ARID1A: variants seen among roughly 807,000 people sequenced by gnomAD.
ARID1A encodes the protein AT-rich interactive domain-containing protein 1A.
A neutral mutation model predicts 212.6 loss-of-function variants in ARID1A; 20 were observed. The ratio of observed to expected loss-of-function variants is 0.09; its 90% CI spans 0.07 to 0.14. The LOEUF is 0.14. ARID1A is among the 10% of genes least tolerant of loss of function. The pLI is 1.00. For missense variants in ARID1A, 2,587 were observed against 3,059.0 expected (o/e 0.85, Z 3.64); for synonymous variants, 1,376 against 1,222.1 (o/e 1.13, Z -2.63).
intron 4 of ARID1A, among the ~76,000 whole-genome samples, chr1:26,751,558 A>G (rs1329553274): frequency 2.6e-5 from 4 of 152,144 alleles, no homozygotes; most frequent in Non-Finnish European, 5.9e-5. Context: ...GTCACTTCTG[A>G]ACCTGCTTCT....
At chr1:26,775,778 A>G (rs768364651) in intron 19 of ARID1A, 71 bp downstream of exon 19, 1 of 1,595,152 alleles carries the variant, frequency 6.3e-7, no homozygotes, top group Non-Finnish European at 8.6e-7. Context: ...GGAATGTCTC[A>G]TCTTTAGCCA....
chr1:26,747,353 A>G (rs2080848421), intron 4 of ARID1A, among the ~76,000 whole-genome samples: 1 of 152,202 alleles, frequency 6.6e-6, no homozygotes, highest in South Asian at 2.1e-4. Flanking sequence ...ACCTTTCCCA[A>G]AGAAGCTAAG....
chr1:26,697,153 G>A lies in ARID1A; in HGVS notation c.750G>A (p.Lys250=), dbSNP rs1553146100. 2 of 1,442,452 alleles carry A rather than the reference G, an allele frequency of 1.4e-6. No individual in the cohort carries two copies. The highest frequency in any genetic ancestry group is 1.5e-5 in the African/African-American group (1 of 66,860). 89.4% of individuals were successfully genotyped at this position (1,442,452 alleles called of 1,614,324 possible). A position where few individuals can be genotyped will look rare whatever the true frequency, so the allele number is the denominator to read the frequency against. The change falls in exon 1 of 20, where the codon AAG becomes AAA. Residue 250 remains lysine, a synonymous_variant. Transcript: ENST00000324856. The part of the protein sequence containing the change: ...GSGAAAAAGS[K]PPPSSSASAS... ...GCGCGGCGGCGGCTGCCGGCTCCAAGCCGCCTCCCTCCTCCAGCGCCTCCG... is the reference window on the plus strand; with the variant it reads ...GCGCGGCGGCGGCTGCCGGCTCCAAACCGCCTCCCTCCTCCAGCGCCTCCG...
At position 26,731,169 on chromosome 1, in the gene ARID1A, A is replaced by G. The variant is rs541916863; in HGVS notation, c.1368A>G (p.Gln456=). 7.4e-6 allele frequency: 12 copies of G among 1,613,966 alleles called. No individual in the cohort carries two copies. The highest frequency in any genetic ancestry group is 1.3e-5 in the African/African-American group (1 of 74,998). Reference sequence around the variant, plus strand: ...TCCTACAGATTCCTCCTTATGGACAACAAGGCCCCAGCGGGTATGGTCAAC... The same window carrying G: ...TCCTACAGATTCCTCCTTATGGACAGCAAGGCCCCAGCGGGTATGGTCAAC... The part of the protein sequence containing the change: ...SYTQQIPPYG[Q]QGPSGYGQQG... Residue 456 remains glutamine, a synonymous_variant, in exon 3 of 20, where the codon CAA becomes CAG. Transcript: ENST00000324856.
At chr1:26,762,091 T>C in intron 6 of ARID1A, 61 bp from the exon 7 acceptor site, 2 of 1,485,886 alleles carry the variant, frequency 1.3e-6, no homozygotes, top group South Asian at 2.7e-5. Flanking sequence ...AGGATAAGGA[T>C]GGAGAGCATT....
intron 3 of ARID1A, among the ~76,000 whole-genome samples, 196 bp from the exon 4 acceptor site, chr1:26,732,480 A>C (rs796176566): frequency 6.6e-6 from 1 of 152,212 alleles, no homozygotes; most frequent in Non-Finnish European, 1.5e-5. Context: ...ATGGGTGACA[A>C]TTCTGTCAGA....
At chr1:26,772,681 G>T (rs775246305) in intron 13 of ARID1A, 49 bp downstream of exon 13, 1 of 1,613,656 alleles carries the variant, frequency 6.2e-7, no homozygotes, top group South Asian at 1.1e-5. Context: ...CTGAAGATAA[G>T]TGCATGGGAA....
At chr1:26,697,685 T>G in intron 1 of ARID1A, 145 bp downstream of exon 1, 1 of 848,456 alleles carries the variant, frequency 1.2e-6, no homozygotes, top group Non-Finnish European at 1.6e-6. Context: ...TCTTCTCTCT[T>G]AAAATGGCTG....
At chr1:26,702,032 A>T (rs1214439468) in intron 1 of ARID1A, among the ~76,000 whole-genome samples, 1 of 152,056 alleles carries the variant, frequency 6.6e-6, no homozygotes. Context: ...TTCAGTGTTG[A>T]TATTCTGCTG....
At chr1:26,735,873 C>T (rs1045539336) in intron 4 of ARID1A, among the ~76,000 whole-genome samples, 1 of 152,182 alleles carries the variant, frequency 6.6e-6, no homozygotes, top group African/African-American at 2.4e-5. Context: ...ACACCCTTCC[C>T]TTTGCCTCAT....
At chr1:26,715,576 A>AT (rs1282713333) in intron 1 of ARID1A, among the ~76,000 whole-genome samples, 1 of 152,228 alleles carries the variant, frequency 6.6e-6, no homozygotes, top group Admixed American at 6.5e-5. Flanking sequence ...GGGATGCAGT[A>AT]TACCAGTGTG....
rs547128601 is a variant in ARID1A, at chr1:26,763,315, G to A, written c.2732+30G>A. 4.1e-5 allele frequency: 63 copies of A among 1,552,892 alleles called. No individual in the cohort carries two copies. The South Asian group carries it at 7.4e-4, about 18-fold the overall frequency. Reference sequence around the variant, plus strand: ...GGCCTGGGAAGCAGAGAGGGTGTCAGTGCAAGAAAATGTATTATAGACCCA... The same window carrying A: ...GGCCTGGGAAGCAGAGAGGGTGTCAATGCAAGAAAATGTATTATAGACCCA... On this transcript the variant is annotated intron_variant, in intron 8 of 19. Coordinates refer to ENST00000324856, the MANE Select transcript of ARID1A (RefSeq NM_006015.6).
At chr1:26,704,861 A>C (rs1239697949) in intron 1 of ARID1A, among the ~76,000 whole-genome samples, 1 of 147,118 alleles carries the variant, frequency 6.8e-6, no homozygotes, top group Non-Finnish European at 1.5e-5. Flanking sequence ...CCTTGTCTCA[A>C]AAAAAAAAAA....
Position 26,696,502 on chromosome 1 carries a change from GGAGGCGGGGGGC to G in ARID1A, c.107_118del (p.Gly36_Ala39del). 4 of 1,230,786 alleles carry G rather than the reference GGAGGCGGGGGGC, an allele frequency of 3.2e-6. No individual in the cohort carries two copies. Among genetic ancestry groups the G allele is most frequent in the Non-Finnish European group, 4.0e-6 (4 of 988,876 alleles). 76.2% of individuals were successfully genotyped at this position (1,230,786 alleles called of 1,614,324 possible). A position where few individuals can be genotyped will look rare whatever the true frequency, so the allele number is the denominator to read the frequency against. Reference sequence around the variant, plus strand: ...AGAAAGCCGAGCAGCAGCAGCGGGAGGAGGCGGGGGGCGAGGCGGCGGCGGCGGCAGCGGCCG... The same window carrying G: ...AGAAAGCCGAGCAGCAGCAGCGGGAGGAGGCGGCGGCGGCGGCAGCGGCCG... On this transcript the variant is annotated inframe_deletion, in exon 1 of 20. Transcript: ENST00000324856.
At chr1:26,772,754 T>C (rs2124106026) in intron 13 of ARID1A, 58 bp from the exon 14 acceptor site, 1 of 1,606,056 alleles carries the variant, frequency 6.2e-7, no homozygotes, top group Non-Finnish European at 8.5e-7. Context: ...TGCGTGTCCT[T>C]TGTTATATTG....
intron 8 of ARID1A, chr1:26,764,497 A>T (rs1386098959): frequency 6.6e-6 from 1 of 152,162 alleles, no homozygotes; most frequent in African/African-American, 2.4e-5. Flanking sequence ...ATGTGGTCCT[A>T]CGTGTTGACT....
intron 4 of ARID1A, among the ~76,000 whole-genome samples, chr1:26,737,118 TTTTG>T (rs959096318): frequency 3.9e-5 from 6 of 152,018 alleles, no homozygotes; most frequent in Admixed American, 6.6e-5. Flanking sequence ...CTTGCTTTTT[TTTTG>T]TTTGTTTGTT....
At chr1:26,712,428 T>A (rs111844428) in intron 1 of ARID1A, among the ~76,000 whole-genome samples, 1 of 152,126 alleles carries the variant, frequency 6.6e-6, no homozygotes. Flanking sequence ...CTCACACTTG[T>A]AATCCCCGTG....
At chr1:26,714,482 C>T (rs1170337814) in intron 1 of ARID1A, among the ~76,000 whole-genome samples, 5 of 152,056 alleles carry the variant, frequency 3.3e-5, no homozygotes, top group African/African-American at 1.2e-4. Flanking sequence ...GGCGCAATCT[C>T]GGCTCACTGC....
Sources: allele counts gnomAD v4.1 joint callset (sites outside exome capture counted in the v4.1 genomes callset), GRCh38; gene constraint gnomAD v4.1.1; transcripts MANE v1.5; gene names NCBI Gene and HGNC (gene_info 2026-07-23, HGNC 2026-07-21).